HAPLN4: variants seen among roughly 807,000 people sequenced by gnomAD.
The protein encoded by HAPLN4 is hyaluronan and proteoglycan link protein 4, also known as brain link protein 2.
A neutral mutation model predicts 28.0 loss-of-function variants in HAPLN4; 19 were observed. That is an observed-to-expected ratio of 0.68 (90% CI 0.47 to 1.00). The LOEUF (loss-of-function observed/expected upper bound fraction) is 1.00. HAPLN4 is among the 50% of genes least tolerant of loss of function. The pLI, the probability that HAPLN4 is intolerant of heterozygous loss-of-function variation, is 0.00. For synonymous variants in HAPLN4, 274 were observed against 273.0 expected (o/e 1.00, Z -0.03); for missense variants, 587 against 602.6 (o/e 0.97, Z 0.27).
At chr19:19,261,290 A>C in intron 2 of HAPLN4, 115 bp from the exon 3 acceptor site, 2 of 1,285,892 alleles carry the variant, frequency 1.6e-6, no homozygotes, top group Non-Finnish European at 2.2e-6. Context: ...TCGGGGAATC[A>C]GAAGGGTCCA....
At chr19:19,262,657 A>G in intron 1 of HAPLN4, 73 bp downstream of exon 1, 5 of 1,523,414 alleles carry the variant, frequency 3.3e-6, no homozygotes, top group Non-Finnish European at 4.5e-6. Context: ...ATATAGATTC[A>G]GAGGCAGAGA....
chr19:19,258,288 C>T lies in HAPLN4; in HGVS notation c.818-80G>A. 7.4e-7 allele frequency: 1 copy of T among 1,360,386 alleles called. No homozygotes were observed. Among genetic ancestry groups the T allele is most frequent in the Non-Finnish European group, 9.7e-7 (1 of 1,026,262 alleles). 84.3% of individuals were successfully genotyped at this position (1,360,386 alleles called of 1,614,324 possible). A position where few individuals can be genotyped will look rare whatever the true frequency, so the allele number is the denominator to read the frequency against. ...CGGTGGGATTCAGGACTGCCCCCCG[C>T]ATGCAGCCTAGGACTCTGGCCTCGG... On this transcript the variant is annotated intron_variant, in intron 4 of 4. Coordinates refer to ENST00000291481, the MANE Select transcript of HAPLN4 (RefSeq NM_023002.3). The surrounding 1 kb of genome is among the most constrained non-coding windows in gnomAD (Gnocchi z 6.2).
Position 19,258,537 on chromosome 19 carries a change from G to T in HAPLN4, c.803C>A (p.Thr268Lys). The T allele has an allele frequency of 6.2e-7, 1 of 1,613,478 alleles. No individual in the cohort carries two copies. The highest frequency in any genetic ancestry group is 8.5e-7 in the Non-Finnish European group (1 of 1,179,862). ...AEERYDAFCFTSNLPGRVFFL... is the reference protein window; with the variant it reads ...AEERYDAFCFKSNLPGRVFFL... ...GGCCTACGCACCCGGCAGGTTGGACGTGAAGCAGAAGGCGTCGTAGCGTTC... is the reference window on the plus strand; with the variant it reads ...GGCCTACGCACCCGGCAGGTTGGACTTGAAGCAGAAGGCGTCGTAGCGTTC... The change falls in exon 4 of 5, where the codon ACG becomes AAG. Residue 268 changes from threonine to lysine, a missense_variant. By Grantham distance (78) the Thr-to-Lys change is moderately conservative. Coordinates refer to ENST00000291481, the MANE Select transcript of HAPLN4 (RefSeq NM_023002.3). The surrounding 1 kb of genome is among the most constrained non-coding windows in gnomAD (Gnocchi z 6.2).
chr19:19,257,998 C>T lies in HAPLN4; in HGVS notation c.1028G>A (p.Arg343Lys), dbSNP rs771786704. The T allele has an allele frequency of 2.3e-4, 350 of 1,516,488 alleles. No homozygotes were observed. The highest frequency in any genetic ancestry group is 8.2e-4 in the Admixed American group (40 of 48,778). 93.9% of individuals were successfully genotyped at this position (1,516,488 alleles called of 1,614,324 possible). The change falls in exon 5 of 5, where the codon AGG (arginine) becomes AAG (lysine). Residue 343 changes from arginine to lysine, a missense_variant. By Grantham distance (26) the Arg-to-Lys change is conservative. Transcript: ENST00000291481. ...GAAGCCGAGGCTGCGCACACCAGGC[C>T]TGCGGCCTCCGCAGCGCGCTCGCGG... ...VNPRARCGGR[R>K]PGVRSLGFPD...
rs993067760 is a variant in HAPLN4, at chr19:19,259,310, C to T, written c.485-455G>A. On this transcript the variant is annotated intron_variant, in intron 3 of 4. Transcript: ENST00000291481. Reference sequence around the variant, plus strand: ...GACTAGGACCCCCTGGAAGATTGGCCCTAGGTGAAGACCCCTTTGATTCCC... The same window carrying T: ...GACTAGGACCCCCTGGAAGATTGGCTCTAGGTGAAGACCCCTTTGATTCCC... Among the ~76,000 whole-genome samples the T allele has an allele frequency of 3.3e-5, 5 of 152,078 alleles. No homozygotes were observed. The East Asian group carries it at 9.6e-4, about 29-fold the overall frequency.
rs2060975495 is a variant in HAPLN4, at chr19:19,258,957, A to G, written c.485-102T>C. The G allele has an allele frequency of 2.1e-6, 2 of 947,248 alleles. No homozygotes were observed. The highest frequency in any genetic ancestry group is 3.0e-6 in the Non-Finnish European group (2 of 656,406). The allele number at this position is 947,248 out of a possible 1,614,324, so 58.7% of individuals were successfully genotyped here. On this transcript the variant is annotated intron_variant, in intron 3 of 4. Coordinates refer to ENST00000291481, the MANE Select transcript of HAPLN4 (RefSeq NM_023002.3). This position sits in a 1 kb window ranked among gnomAD's most constrained non-coding sequence, Gnocchi z 6.2. ...CTCTTCAACCGGGACCTTTCAGTCC[A>G]TTCCTCCTCACTCTGGCCTCAGACC...
rs144834688 is a variant in HAPLN4 at position 19,258,551 on chromosome 19, G to A, written c.789C>T (p.Asp263=). 191 of 1,613,678 alleles carry A rather than the reference G, an allele frequency of 1.2e-4. 1 individual carries two copies. In the African/African-American group the frequency reaches 2.0e-3, roughly 17 times the overall value. The change falls in exon 4 of 5, where the codon GAC becomes GAT. Residue 263 remains aspartate (D), a synonymous_variant. Coordinates refer to ENST00000291481, the MANE Select transcript of HAPLN4 (RefSeq NM_023002.3). This position sits in a 1 kb window ranked among gnomAD's most constrained non-coding sequence, Gnocchi z 6.2. ...GYRHNAEERY[D]AFCFTSNLPG... ...GCAGGTTGGACGTGAAGCAGAAGGC[G>A]TCGTAGCGTTCCTCGGCGTTATGGC...
Position 19,261,510 on chromosome 19 carries a change from G to T in HAPLN4, c.57C>A (p.Gly19=), listed in dbSNP as rs539718735. 2.6e-5 allele frequency: 42 copies of T among 1,610,430 alleles called. No homozygotes were observed. Among genetic ancestry groups the T allele is most frequent in the Middle Eastern group, 3.3e-4 (2 of 6,072 alleles). The stretch of plus-strand genomic sequence containing the variant: ...CCGCAGGGGCTGTGAGCAGCAGGAC[G>T]CCCCAGGCCGCGGCCCAGAGCGCGC... ...GPGALWAAAW[G]VLLLTAPAGA... Residue 19 remains glycine (G), a synonymous_variant, in exon 2 of 5, where the codon GGC becomes GGA. Transcript: ENST00000291481.
In HAPLN4 at chr19:19,262,716, G is replaced by A. The variant is rs1225036867; in HGVS notation, c.3+14C>T. On this transcript the variant is annotated intron_variant, in intron 1 of 4. Coordinates refer to ENST00000291481, the MANE Select transcript of HAPLN4 (RefSeq NM_023002.3). Reference sequence around the variant, plus strand: ...GACGGGGCACACACCACCCGCGCCCGCAGCCCCACTTACCATCTTGCCCGC... The same window carrying A: ...GACGGGGCACACACCACCCGCGCCCACAGCCCCACTTACCATCTTGCCCGC... 1.2e-6 allele frequency: 2 copies of A among 1,611,998 alleles called. No individual in the cohort carries two copies. The highest frequency in any genetic ancestry group is 1.3e-5 in the African/African-American group (1 of 74,908).
Position 19,255,410 on chromosome 19 carries a change from T to G in HAPLN4, c.*2407A>C, listed in dbSNP as rs1264250749. 1.3e-5 allele frequency: 2 copies of G among 152,060 alleles called. No individual in the cohort carries two copies. Among genetic ancestry groups the G allele is most frequent in the African/African-American group, 4.8e-5 (2 of 41,376 alleles). The allele number at this position is 152,060 out of a possible 1,614,324, so 9.4% of individuals were successfully genotyped here. On this transcript the variant is annotated 3_prime_UTR_variant, in exon 5 of 5. Transcript: ENST00000291481. ...AAATACAAAAATTAGCCGGGTGTGG[T>G]GGCAGGCACCTGTAATCCCAGCTAC...
At position 19,261,164 on chromosome 19, in the gene HAPLN4, C is replaced by T; in HGVS notation, c.133G>A (p.Gly45Ser). The change falls in exon 3 of 5, where the codon GGC (glycine) becomes AGC (serine). Residue 45 changes from glycine (G) to serine (S), a missense_variant. Transcript: ENST00000291481. ...KVVHVLEGES[G>S]SVVVQTAPGQ... ...GGCGCTGTCTGTACCACTACCGAGC[C>T]CGACTCACCCTCTGAGGACAACCAA... is the stretch of plus-strand genomic sequence containing the variant. 2 of 1,596,508 alleles carry T rather than the reference C, an allele frequency of 1.3e-6. No individual in the cohort carries two copies. Among genetic ancestry groups the T allele is most frequent in the Middle Eastern group, 1.9e-4 (1 of 5,360 alleles).
intron 1 of HAPLN4, chr19:19,261,823 C>A: frequency 2.4e-6 from 1 of 414,782 alleles, no homozygotes; most frequent in Non-Finnish European, 4.2e-6. Flanking sequence ...CCCCAAAACC[C>A]GAGGCTCGCT....
chr19:19,261,995 G>A (rs1402178617), intron 1 of HAPLN4, among the ~76,000 whole-genome samples: 2 of 151,798 alleles, frequency 1.3e-5, no homozygotes, highest in Non-Finnish European at 2.9e-5. Flanking sequence ...GGAGAGACGC[G>A]GGGAGAGAAC....
In HAPLN4 at chr19:19,258,639, C is replaced by A. The variant is rs767619403; in HGVS notation, c.701G>T (p.Gly234Val). The A allele has an allele frequency of 5.0e-6, 8 of 1,611,750 alleles. No homozygotes were observed. The highest frequency in any genetic ancestry group is 2.7e-5 in the African/African-American group (2 of 74,876). The part of the protein sequence containing the change: ...NRPREPCGGL[G>V]GTGSAGGGGD... ...GCCGCCCCCTGCACTCCCGGTCCCC[C>A]CCAGGCCGCCGCAGGGCTCCCGGGG... is the stretch of plus-strand genomic sequence containing the variant. The change falls in exon 4 of 5, where the codon GGG becomes GTG. Residue 234 changes from glycine (G) to valine (V), a missense_variant. Physicochemically the swap from Gly to Val is moderately radical, Grantham distance 109. Coordinates refer to ENST00000291481, the MANE Select transcript of HAPLN4 (RefSeq NM_023002.3). This position sits in a 1 kb window ranked among gnomAD's most constrained non-coding sequence, Gnocchi z 6.2.
chr19:19,258,021 C>T lies in HAPLN4; in HGVS notation c.1005G>A (p.Pro335=). The part of the protein sequence containing the change: ...DGSARYPIVN[P]RARCGGRRPG... The stretch of plus-strand genomic sequence containing the variant: ...GCCTGCGGCCTCCGCAGCGCGCTCG[C>T]GGGTTCACGATGGGGTAGCGCGCAC... The change falls in exon 5 of 5, where the codon CCG becomes CCA. Residue 335 remains proline (P), a synonymous_variant. Transcript: ENST00000291481. This position sits in a 1 kb window ranked among gnomAD's most constrained non-coding sequence, Gnocchi z 6.2. 2 of 1,524,630 alleles carry T rather than the reference C, an allele frequency of 1.3e-6. No homozygotes were observed. Among genetic ancestry groups the T allele is most frequent in the Non-Finnish European group, 1.8e-6 (2 of 1,141,572 alleles). The allele number at this position is 1,524,630 out of a possible 1,614,324, so 94.4% of individuals were successfully genotyped here.
At chr19:19,261,620 C>T (rs79477190) in intron 1 of HAPLN4, 57 bp from the exon 2 acceptor site, 17,904 of 1,183,702 alleles carry the variant, frequency 0.015, 908 homozygotes, top group African/African-American at 0.11. Context: ...TTTTCGGAGG[C>T]CTGGCTCCCT....
intron 3 of HAPLN4, among the ~76,000 whole-genome samples, chr19:19,259,881 C>G (rs1284374818): frequency 1.3e-5 from 2 of 152,200 alleles, no homozygotes; most frequent in East Asian, 3.9e-4. Flanking sequence ...CCAGGGTGAG[C>G]CAATCAGAGC....
rs1304335906 is a variant in HAPLN4 at position 19,258,641 on chromosome 19, C to A, written c.699G>T (p.Leu233=). The A allele has an allele frequency of 1.2e-6, 2 of 1,611,510 alleles. No individual in the cohort carries two copies. Among genetic ancestry groups the A allele is most frequent in the Non-Finnish European group, 8.5e-7 (1 of 1,178,900 alleles). Reference sequence around the variant, plus strand: ...CGCCCCCTGCACTCCCGGTCCCCCCCAGGCCGCCGCAGGGCTCCCGGGGCC... The same window carrying A: ...CGCCCCCTGCACTCCCGGTCCCCCCAAGGCCGCCGCAGGGCTCCCGGGGCC... ...VNRPREPCGG[L]GGTGSAGGGG... is the part of the protein sequence containing the mutation. The change falls in exon 4 of 5, where the codon CTG becomes CTT. Residue 233 remains leucine, a synonymous_variant. Coordinates refer to ENST00000291481, the MANE Select transcript of HAPLN4 (RefSeq NM_023002.3). The surrounding 1 kb of genome is among the most constrained non-coding windows in gnomAD (Gnocchi z 6.2).
intron 1 of HAPLN4, chr19:19,261,829 T>G: frequency 7.7e-6 from 3 of 387,344 alleles, no homozygotes; most frequent in Non-Finnish European, 1.4e-5. Flanking sequence ...AACCCGAGGC[T>G]CGCTGCCCCG....
Sources: allele counts gnomAD v4.1 joint callset (sites outside exome capture counted in the v4.1 genomes callset), GRCh38; gene constraint gnomAD v4.1.1; non-coding constraint Gnocchi (gnomAD v3.1); transcripts MANE v1.5; gene names NCBI Gene and HGNC (gene_info 2026-07-23, HGNC 2026-07-21).